Variants in BMPR1A observed in about 807,000 individuals in gnomAD.
BMPR1A encodes bone morphogenetic protein receptor type 1A.
A neutral mutation model predicts 66.0 loss-of-function variants in BMPR1A; 7 were observed. That is an observed-to-expected ratio of 0.11 (90% CI 0.06 to 0.20). BMPR1A has a LOEUF of 0.20. BMPR1A is among the 10% of genes least tolerant of loss of function. The probability of loss-of-function intolerance (pLI) is 1.00; values close to 1 mark genes in which losing one functional copy is unlikely to be tolerated. For missense variants in BMPR1A, 408 were observed against 669.1 expected (o/e 0.61, Z 4.31); for synonymous variants, 200 against 229.7 (o/e 0.87, Z 1.17).
intron 5 of BMPR1A, 42 bp downstream of exon 5, chr10:86,892,271 G>A (rs1278174232): frequency 3.3e-6 from 5 of 1,513,042 alleles, no homozygotes; most frequent in Non-Finnish European, 4.6e-6. Context: ...GAAGGGAGGG[G>A]CCATATGAAA....
chr10:86,778,740 C>G (rs979878174), intron 1 of BMPR1A, among the ~76,000 whole-genome samples: 11 of 151,940 alleles, frequency 7.2e-5, no homozygotes, highest in Admixed American at 6.6e-4. Flanking sequence ...ACAAATTTCT[C>G]CCTGTCCCTC....
At chr10:86,928,699 G>A (rs1031673594), downstream of BMPR1A, 1 of 151,820 alleles carries the variant, frequency 6.6e-6, no homozygotes, top group Admixed American at 6.6e-5. Context: ...CTGTCACTCA[G>A]GGTGGAGTGC....
chr10:86,816,615 T>C (rs1332885326), intron 1 of BMPR1A, among the ~76,000 whole-genome samples: 2 of 152,244 alleles, frequency 1.3e-5, no homozygotes, highest in Admixed American at 6.5e-5. Context: ...ATGTCCTTTT[T>C]CCACTTGTTT....
intron 1 of BMPR1A, among the ~76,000 whole-genome samples, chr10:86,790,016 C>T (rs1371198556): frequency 3.3e-5 from 5 of 149,296 alleles, no homozygotes; most frequent in East Asian, 3.9e-4. Flanking sequence ...ATTAGCCGGG[C>T]GTGGTGGCAG....
At chr10:86,878,439 G>A (rs754705140) in intron 3 of BMPR1A, among the ~76,000 whole-genome samples, 58 of 152,304 alleles carry the variant, frequency 3.8e-4, no homozygotes, top group Middle Eastern at 3.4e-3. Flanking sequence ...ATTAATGTTG[G>A]ATAGATATGT....
intron 2 of BMPR1A, among the ~76,000 whole-genome samples, chr10:86,873,554 G>C (rs927084850): frequency 6.6e-5 from 10 of 152,140 alleles, no homozygotes; most frequent in African/African-American, 2.4e-4. Context: ...TTTCTGGCAT[G>C]GTATCCACTG....
chr10:86,773,854 C>CTTTTTT (rs34632382), intron 1 of BMPR1A, among the ~76,000 whole-genome samples: 1 of 142,122 alleles, frequency 7.0e-6, no homozygotes, highest in Non-Finnish European at 1.5e-5. Context: ...GTATTTCATT[C>CTTTTTT]TTTTTTTTTT....
intron 3 of BMPR1A, among the ~76,000 whole-genome samples, chr10:86,886,988 G>A (rs1336577299): frequency 6.6e-6 from 1 of 151,556 alleles, no homozygotes; most frequent in Non-Finnish European, 1.5e-5. Context: ...TTGCCACCAC[G>A]CCCAGCTAAT....
rs546077767 is a variant in BMPR1A at position 86,775,816 on chromosome 10, T to G, written c.-268+18897T>G. On this transcript the variant is annotated intron_variant, in intron 1 of 12. Transcript: ENST00000372037. ...GTATGTATCTTCCTAAGATTTTCTT[T>G]CCATTTACAAAAATGCATATCCATT... 1.8e-3 allele frequency among the ~76,000 whole-genome samples: 274 copies of G among 152,326 alleles called. 2 individuals are homozygous for G. The highest frequency in any genetic ancestry group is 0.01 in the Middle Eastern group (3 of 294).
At chr10:86,850,308 G>A (rs182457014) in intron 2 of BMPR1A, among the ~76,000 whole-genome samples, 208 of 148,662 alleles carry the variant, frequency 1.4e-3, no homozygotes, top group Non-Finnish European at 2.4e-3. Flanking sequence ...GTGACAGAGC[G>A]GACTCCATTT....
At chr10:86,769,015 G>C (rs1275012934) in intron 1 of BMPR1A, among the ~76,000 whole-genome samples, 9 of 152,152 alleles carry the variant, frequency 5.9e-5, no homozygotes, top group Non-Finnish European at 1.3e-4. Flanking sequence ...TTAAAATGCA[G>C]GTTTGAATGG....
intron 8 of BMPR1A, among the ~76,000 whole-genome samples, chr10:86,916,657 T>A (rs1162054969): frequency 1.3e-5 from 2 of 152,248 alleles, no homozygotes; most frequent in Non-Finnish European, 2.9e-5. Context: ...ATAACCTGTT[T>A]ATGATTTCAG....
chr10:86,867,107 A>G (rs1842796461), intron 2 of BMPR1A, among the ~76,000 whole-genome samples: 1 of 152,162 alleles, frequency 6.6e-6, no homozygotes, highest in Admixed American at 6.5e-5. Flanking sequence ...ACTCTTTACC[A>G]CCACATTAAA....
intron 1 of BMPR1A, among the ~76,000 whole-genome samples, chr10:86,803,746 AT>A (rs1841845462): frequency 6.6e-6 from 1 of 151,978 alleles, no homozygotes; most frequent in African/African-American, 2.4e-5. Context: ...GGTAAAGCAA[AT>A]TTTTCTGACT....
intron 1 of BMPR1A, among the ~76,000 whole-genome samples, chr10:86,796,644 T>A (rs1841715351): frequency 6.6e-6 from 1 of 151,954 alleles, no homozygotes; most frequent in African/African-American, 2.4e-5. Context: ...TGGCATGATC[T>A]CAGTTCACTG....
At chr10:86,783,208 T>C (rs773471991) in intron 1 of BMPR1A, among the ~76,000 whole-genome samples, 1 of 152,202 alleles carries the variant, frequency 6.6e-6, no homozygotes, top group Admixed American at 6.5e-5. Flanking sequence ...TTCTGTTCCA[T>C]TGGTTTACAT....
intron 1 of BMPR1A, among the ~76,000 whole-genome samples, chr10:86,781,947 A>G (rs576933991): frequency 1.1e-4 from 16 of 146,212 alleles, no homozygotes; most frequent in African/African-American, 3.8e-4. Flanking sequence ...GCTCACTGCA[A>G]CCCCCGCCTC....
chr10:86,789,414 A>G (rs577278245), intron 1 of BMPR1A, among the ~76,000 whole-genome samples: 2 of 152,322 alleles, frequency 1.3e-5, no homozygotes, highest in South Asian at 4.1e-4. Context: ...TCTAGAATAC[A>G]TAAAGAACAC....
chr10:86,886,991 C>T (rs531880273), intron 3 of BMPR1A, among the ~76,000 whole-genome samples: 1 of 151,996 alleles, frequency 6.6e-6, no homozygotes, highest in South Asian at 2.1e-4. Flanking sequence ...CCACCACGCC[C>T]AGCTAATTTT....
Sources: allele counts gnomAD v4.1 joint callset (sites outside exome capture counted in the v4.1 genomes callset), GRCh38; gene constraint gnomAD v4.1.1; transcripts MANE v1.5; gene names NCBI Gene and HGNC (gene_info 2026-07-23, HGNC 2026-07-21).